Variants in TTC29 observed in about 807,000 individuals in gnomAD.
TTC29 encodes tetratricopeptide repeat protein 29.
In TTC29, 49 loss-of-function variants were observed where a neutral mutation model predicts 58.1. The ratio of observed to expected loss-of-function variants is 0.84; its 90% confidence interval spans 0.67 to 1.07. The LOEUF (loss-of-function observed/expected upper bound fraction) is 1.07, where lower values mean the gene tolerates loss of function less well. Among genes scored for constraint, TTC29 ranks in the 50% least tolerant of loss-of-function variants. TTC29 has a pLI of 0.00. For synonymous variants in TTC29, 209 were observed against 196.8 expected (o/e 1.06, Z -0.52); for missense variants, 582 against 555.6 (o/e 1.05, Z -0.48).
In TTC29 at chr4:146,903,659, C is replaced by T. The variant is rs780507018; in HGVS notation, c.471G>A (p.Trp157Ter). The T allele has an allele frequency of 6.2e-7, 1 of 1,612,714 alleles. No homozygotes were observed. Among genetic ancestry groups the T allele is most frequent in the East Asian group, 2.2e-5 (1 of 44,736 alleles). ...ATCGTTCATAGAAGTGGTTCCTTAC[C>T]CACTTGTCTTCAGAATTATTGAAGT... is the stretch of plus-strand genomic sequence containing the variant. ...ACYFNNSEDK[W>*]VRNHFYERCF... The change falls in exon 6 of 13, where the codon TGG becomes TGA. Residue 157 changes from tryptophan (W) to a stop codon, truncating the protein, a stop_gained. Transcript: ENST00000325106. LOFTEE classifies it high-confidence loss of function.
intron 2 of TTC29, among the ~76,000 whole-genome samples, chr4:146,943,600 G>T (rs1286517977): frequency 6.6e-6 from 1 of 152,080 alleles, no homozygotes; most frequent in Non-Finnish European, 1.5e-5. Flanking sequence ...GAATCAATAC[G>T]TGGCCACATA....
chr4:146,709,142 A>G (rs1002591881), intron 11 of TTC29, among the ~76,000 whole-genome samples: 1 of 152,168 alleles, frequency 6.6e-6, no homozygotes, highest in Non-Finnish European at 1.5e-5. Context: ...TAAAGGTAGA[A>G]GATTATTCCA....
chr4:146,920,735 T>A (rs1379956190), intron 4 of TTC29, among the ~76,000 whole-genome samples: 2 of 151,206 alleles, frequency 1.3e-5, no homozygotes, highest in Non-Finnish European at 3.0e-5. Flanking sequence ...ACCAAATGAT[T>A]CTTAAGATGA....
intron 11 of TTC29, among the ~76,000 whole-genome samples, chr4:146,764,848 C>T (rs1339329783): frequency 6.6e-6 from 1 of 152,024 alleles, no homozygotes; most frequent in Non-Finnish European, 1.5e-5. Context: ...GTACCACTAA[C>T]GTTGGTGTTT....
chr4:146,740,420 C>CT (rs1044133191), intron 11 of TTC29, among the ~76,000 whole-genome samples: 12 of 151,780 alleles, frequency 7.9e-5, no homozygotes, highest in Admixed American at 3.9e-4. Flanking sequence ...TGAAAATAAT[C>CT]TTTTTTTTAA....
intron 11 of TTC29, among the ~76,000 whole-genome samples, chr4:146,756,749 T>C (rs577806179): frequency 4.6e-5 from 7 of 152,004 alleles, no homozygotes; most frequent in Admixed American, 2.0e-4. Context: ...TTTTTGTCTT[T>C]GTTGGGTTGG....
chr4:146,710,748 T>C (rs1742432198), intron 11 of TTC29, among the ~76,000 whole-genome samples: 1 of 152,082 alleles, frequency 6.6e-6, no homozygotes, highest in South Asian at 2.1e-4. Flanking sequence ...CGATCTACAT[T>C]TCAGTAGAAA....
intron 11 of TTC29, among the ~76,000 whole-genome samples, chr4:146,738,510 T>C (rs1744887754): frequency 6.6e-6 from 1 of 152,126 alleles, no homozygotes; most frequent in South Asian, 2.1e-4. Context: ...TTGCATATTT[T>C]TTTTTTGCTC....
intron 11 of TTC29, among the ~76,000 whole-genome samples, chr4:146,780,685 T>C (rs1287963524): frequency 1.3e-5 from 2 of 151,134 alleles, no homozygotes; most frequent in Non-Finnish European, 3.0e-5. Flanking sequence ...TATATTAAAG[T>C]ACACACACAC....
intron 10 of TTC29, among the ~76,000 whole-genome samples, chr4:146,805,930 C>T (rs921140732): frequency 6.6e-6 from 1 of 152,044 alleles, no homozygotes; most frequent in East Asian, 1.9e-4. Context: ...GACACATTAT[C>T]GTCAGATTCA....
At chr4:146,751,187 C>G (rs530204492) in intron 11 of TTC29, among the ~76,000 whole-genome samples, 1 of 152,040 alleles carries the variant, frequency 6.6e-6, no homozygotes, top group Non-Finnish European at 1.5e-5. Context: ...ATATATGCAC[C>G]CAACATTGGA....
In TTC29 at chr4:146,878,145, G is replaced by T. The variant is rs548904401; in HGVS notation, c.587-3217C>A. ...AAGTGAGGATGGTCCTCAGGACACTGGTTTCAGCTGGTGACTACAGAAGGC... is the reference window on the plus strand; with the variant it reads ...AAGTGAGGATGGTCCTCAGGACACTTGTTTCAGCTGGTGACTACAGAAGGC... On this transcript the variant is annotated intron_variant, in intron 6 of 12. Transcript: ENST00000325106. Among the ~76,000 whole-genome samples the T allele has an allele frequency of 8.3e-3, 1,271 of 152,272 alleles. 18 individuals carry two copies. The highest frequency in any genetic ancestry group is 0.029 in the African/African-American group (1,200 of 41,568).
At chr4:146,893,036 CAA>C (rs1313693160) in intron 6 of TTC29, among the ~76,000 whole-genome samples, 1 of 152,098 alleles carries the variant, frequency 6.6e-6, no homozygotes, top group Non-Finnish European at 1.5e-5. Flanking sequence ...AAAGAGGATA[CAA>C]ACAAATGGAA....
intron 11 of TTC29, among the ~76,000 whole-genome samples, chr4:146,736,326 G>T (rs779374823): frequency 6.6e-6 from 1 of 152,078 alleles, no homozygotes; most frequent in African/African-American, 2.4e-5. Flanking sequence ...GGGCTGATAG[G>T]ATTATGAAAG....
chr4:146,820,006 G>T (rs1751705279), intron 10 of TTC29, 119 bp downstream of exon 10: 4 of 1,335,836 alleles, frequency 3.0e-6, no homozygotes, highest in East Asian at 2.3e-5. Context: ...GCAGTCCAGG[G>T]CCATTCTGCA....
intron 8 of TTC29, among the ~76,000 whole-genome samples, chr4:146,859,092 G>A (rs2150196010): frequency 6.6e-6 from 1 of 152,224 alleles, no homozygotes; most frequent in East Asian, 1.9e-4. Flanking sequence ...GGCCCCAACT[G>A]TCATCTACAT....
intron 11 of TTC29, among the ~76,000 whole-genome samples, chr4:146,743,806 T>C (rs1745340324): frequency 6.6e-6 from 1 of 152,244 alleles, no homozygotes; most frequent in South Asian, 2.1e-4. Flanking sequence ...GTTACTGAAT[T>C]GCTCCATGAG....
At chr4:146,887,029 G>T (rs150432751) in intron 6 of TTC29, among the ~76,000 whole-genome samples, 25 of 152,272 alleles carry the variant, frequency 1.6e-4, no homozygotes, top group African/African-American at 5.1e-4. Flanking sequence ...TAGAAGCAAT[G>T]AATAGAATGG....
intron 8 of TTC29, among the ~76,000 whole-genome samples, chr4:146,841,191 C>A (rs1227432129): frequency 6.6e-6 from 1 of 152,132 alleles, no homozygotes; most frequent in African/African-American, 2.4e-5. Flanking sequence ...AGCACCTCAA[C>A]ATGTTTGGTG....
Sources: gnomAD v4.1 joint callset for allele counts (sites outside exome capture counted in the v4.1 genomes callset) on GRCh38, gnomAD v4.1.1 for gene constraint, MANE v1.5 for transcripts, NCBI Gene and HGNC (gene_info 2026-07-23, HGNC 2026-07-21) for gene names.